GUCY1A2: variants seen among roughly 807,000 people sequenced by gnomAD.
GUCY1A2 encodes the protein guanylate cyclase 1 soluble subunit alpha 2, also known as guanylate cyclase soluble subunit alpha-2.
GUCY1A2 carries 27 observed loss-of-function variants against 63.5 expected under a neutral mutation model. The ratio of observed to expected loss-of-function variants is 0.43; its 90% confidence interval spans 0.31 to 0.59. The LOEUF (loss-of-function observed/expected upper bound fraction) is 0.59. Ranked by LOEUF, GUCY1A2 falls within the 20% of genes least tolerant of loss-of-function variation. GUCY1A2 has a pLI of 0.11. For synonymous variants in GUCY1A2, 364 were observed against 343.5 expected, an observed-to-expected ratio of 1.06 and a Z score of -0.66; for missense variants, 768 against 913.3, an observed-to-expected ratio of 0.84 and a Z score of 2.05.
chr11:106,775,692 G>GC (rs374841980), intron 6 of GUCY1A2, among the ~76,000 whole-genome samples: 28 of 34,788 alleles, frequency 8.0e-4, no homozygotes, highest in Middle Eastern at 0.016. Flanking sequence ...TCCTGTGCCC[G>GC]CCCCCCCGCC....
At chr11:106,925,032 T>C (rs1330670495) in intron 4 of GUCY1A2, among the ~76,000 whole-genome samples, 2 of 151,838 alleles carry the variant, frequency 1.3e-5, no homozygotes, top group African/African-American at 2.4e-5. Context: ...AACAAAACCA[T>C]GTATCATCAT....
rs1266920994 is a variant in GUCY1A2 at position 106,752,237 on chromosome 11, TA to T, written c.1836+24201del. ...TAAACGTAACAAAACCTAATATAAA[TA>T]TAACAAACCAATTAACAACATGGCT... is the stretch of plus-strand genomic sequence containing the variant. On this transcript the variant is annotated intron_variant, in intron 6 of 7. Coordinates refer to ENST00000526355, the MANE Select transcript of GUCY1A2 (RefSeq NM_000855.3). Among the ~76,000 whole-genome samples the T allele has an allele frequency of 1.6e-4, 24 of 152,188 alleles. No individual in the cohort carries two copies. The East Asian group carries it at 4.4e-3, about 28-fold the overall frequency.
chr11:106,947,728 A>G (rs890297433), intron 3 of GUCY1A2, among the ~76,000 whole-genome samples: 4 of 152,090 alleles, frequency 2.6e-5, no homozygotes, highest in African/African-American at 9.6e-5. Context: ...CTTGGATTAC[A>G]GGGAAAGTCA....
At chr11:106,736,516 C>T (rs1436467692) in intron 6 of GUCY1A2, among the ~76,000 whole-genome samples, 2 of 152,056 alleles carry the variant, frequency 1.3e-5, no homozygotes, top group South Asian at 2.1e-4. Flanking sequence ...CAGTACCATG[C>T]TGTTTTGGTT....
chr11:106,794,921 T>C (rs999472012), intron 5 of GUCY1A2, among the ~76,000 whole-genome samples: 4 of 152,180 alleles, frequency 2.6e-5, no homozygotes, highest in African/African-American at 9.6e-5. Context: ...TTCTCTCTGA[T>C]CTTGGTCTTC....
chr11:106,791,165 T>C (rs1864652488), intron 5 of GUCY1A2, among the ~76,000 whole-genome samples: 1 of 152,154 alleles, frequency 6.6e-6, no homozygotes, highest in Non-Finnish European at 1.5e-5. Flanking sequence ...CTGGCATGGG[T>C]GATTCCCCTC....
intron 1 of GUCY1A2, among the ~76,000 whole-genome samples, chr11:107,014,953 C>A (rs756886192): frequency 6.6e-6 from 1 of 152,192 alleles, no homozygotes; most frequent in Non-Finnish European, 1.5e-5. Context: ...AGGACATAAT[C>A]CATCTCCTGA....
intron 3 of GUCY1A2, among the ~76,000 whole-genome samples, chr11:106,941,107 G>A (rs1473546768): frequency 6.6e-6 from 1 of 152,114 alleles, no homozygotes; most frequent in Admixed American, 6.6e-5. Context: ...AATAATGACA[G>A]AACTCTGGAA....
At chr11:106,938,860 G>C (rs1860713555) in intron 4 of GUCY1A2, among the ~76,000 whole-genome samples, 1 of 152,070 alleles carries the variant, frequency 6.6e-6, no homozygotes, top group Non-Finnish European at 1.5e-5. Flanking sequence ...AAATTTCCTA[G>C]TCTTCACTTT....
chr11:106,688,810 A>G (rs1565258386), intron 7 of GUCY1A2, among the ~76,000 whole-genome samples: 2 of 152,308 alleles, frequency 1.3e-5, no homozygotes. Flanking sequence ...TACAGTTTCA[A>G]CAAGTGGATA....
Position 106,687,554 on chromosome 11 carries a change from G to A in GUCY1A2, c.2194C>T (p.Leu732Phe). ...TCTTTGATCTGTAGCAGGTCTCAGA[G>A]GCTTGTCTCCCGGAGGAACATGGTG... ...IGTMFLRETS[L>F] Residue 732 changes from leucine (L) to phenylalanine (F), a missense_variant, in exon 8 of 8, where the codon CTC becomes TTC. By Grantham distance (22) the Leu-to-Phe change is conservative. Transcript: ENST00000526355. 6.2e-7 allele frequency: 1 copy of A among 1,612,376 alleles called. No homozygotes were observed. Among genetic ancestry groups the A allele is most frequent in the Non-Finnish European group, 8.5e-7 (1 of 1,178,494 alleles).
intron 5 of GUCY1A2, among the ~76,000 whole-genome samples, chr11:106,785,874 A>AG (rs932160423): frequency 1.8e-4 from 8 of 45,274 alleles, no homozygotes; most frequent in African/African-American, 7.0e-4. Flanking sequence ...CCCGATATCC[A>AG]CCTTTTTTTT....
At chr11:106,948,420 A>C (rs1860859624) in intron 3 of GUCY1A2, among the ~76,000 whole-genome samples, 1 of 152,158 alleles carries the variant, frequency 6.6e-6, no homozygotes, top group African/African-American at 2.4e-5. Flanking sequence ...TACATTCATA[A>C]AAGTAAACAA....
chr11:106,858,943 A>G (rs1859472587), intron 4 of GUCY1A2, among the ~76,000 whole-genome samples: 1 of 152,080 alleles, frequency 6.6e-6, no homozygotes, highest in Admixed American at 6.6e-5. Flanking sequence ...TAAAATTGAA[A>G]CATTGGAGCA....
intron 3 of GUCY1A2, among the ~76,000 whole-genome samples, chr11:106,969,992 C>T (rs538853948): frequency 8.5e-5 from 13 of 152,212 alleles, no homozygotes; most frequent in Middle Eastern, 3.4e-3. Context: ...GGCAGTAATA[C>T]TATCTTTGAG....
chr11:106,818,729 G>A (rs1858862514), intron 4 of GUCY1A2, among the ~76,000 whole-genome samples: 1 of 152,046 alleles, frequency 6.6e-6, no homozygotes, highest in Admixed American at 6.6e-5. Flanking sequence ...GGTTCTTGAA[G>A]GAAATTTTAA....
At chr11:106,790,565 G>A (rs537783983) in intron 5 of GUCY1A2, among the ~76,000 whole-genome samples, 30 of 152,068 alleles carry the variant, frequency 2.0e-4, no homozygotes, top group South Asian at 1.5e-3. Context: ...AGATGAAGTC[G>A]CTCACTGTAG....
rs1429068884 is a variant in GUCY1A2, at chr11:106,762,101, G to GATAAGTTTAGTATTTTTCA, written c.1836+14319_1836+14337dup. Among the ~76,000 whole-genome samples, 3 of 151,992 alleles carry GATAAGTTTAGTATTTTTCA rather than the reference G, an allele frequency of 2.0e-5. No individual in the cohort carries two copies. The South Asian group carries it at 6.2e-4, about 31-fold the overall frequency. Reference sequence around the variant, plus strand: ...GTGCTGGGGTAAAATATGAGCATGGGATAAGTTTAGTATTTTTCAAAAGGA... The same window carrying GATAAGTTTAGTATTTTTCA: ...GTGCTGGGGTAAAATATGAGCATGGGATAAGTTTAGTATTTTTCAATAAGTTTAGTATTTTTCAAAAGGA... On this transcript the variant is annotated intron_variant, in intron 6 of 7. Coordinates refer to ENST00000526355, the MANE Select transcript of GUCY1A2 (RefSeq NM_000855.3).
At chr11:106,976,485 A>T (rs1861264186) in intron 3 of GUCY1A2, among the ~76,000 whole-genome samples, 1 of 152,194 alleles carries the variant, frequency 6.6e-6, no homozygotes, top group Non-Finnish European at 1.5e-5. Context: ...TGACTTCTTA[A>T]AAACAAAGCT....
Sources: gnomAD v4.1 joint callset for allele counts (sites outside exome capture counted in the v4.1 genomes callset) on GRCh38, gnomAD v4.1.1 for gene constraint, MANE v1.5 for transcripts, NCBI Gene and HGNC (gene_info 2026-07-23, HGNC 2026-07-21) for gene names.